KLF5: variants seen among roughly 807,000 people sequenced by gnomAD.
The protein encoded by KLF5 is KLF transcription factor 5.
Under a neutral mutation model 36.9 loss-of-function variants are expected in KLF5, and 9 were observed. That is an observed-to-expected ratio of 0.24 (90% CI 0.15 to 0.43). The LOEUF (loss-of-function observed/expected upper bound fraction) is 0.43, where lower values mean the gene tolerates loss of function less well. Ranked by LOEUF, KLF5 falls within the 20% of genes least tolerant of loss-of-function variation. KLF5 has a pLI of 1.00. For missense variants in KLF5, 524 were observed against 599.5 expected (o/e 0.87, Z 1.31); for synonymous variants, 246 against 241.7 (o/e 1.02, Z -0.17).
chr13:73,059,624 C>T (rs770834317), intron 1 of KLF5, 36 bp downstream of exon 1: 2 of 1,140,018 alleles, frequency 1.8e-6, no homozygotes, highest in African/African-American at 1.6e-5. Flanking sequence ...CGCAGCACTC[C>T]CGGGCTCGGG....
intron 3 of KLF5, 91 bp from the exon 4 acceptor site, chr13:73,075,617 T>C (rs1169618564): frequency 1.2e-5 from 12 of 997,152 alleles, no homozygotes; most frequent in Middle Eastern, 2.7e-4. Flanking sequence ...TTGGCCAAGA[T>C]TTTTTTTTTC....
At chr13:73,058,994 CAA>C (rs2044605130), upstream of KLF5, 1 of 209,538 alleles carries the variant, frequency 4.8e-6, no homozygotes, top group Non-Finnish European at 9.5e-6. Flanking sequence ...AGGCGGGCGT[CAA>C]GTGTCAGTAG....
In KLF5 at chr13:73,061,918, C is replaced by A. The variant is rs778046528; in HGVS notation, c.319C>A (p.Pro107Thr). 4 of 1,613,830 alleles carry A rather than the reference C, an allele frequency of 2.5e-6. No individual in the cohort carries two copies. In the Admixed American group the frequency reaches 6.7e-5, roughly 27 times the overall value. The change falls in exon 2 of 4, where the codon CCA (proline) becomes ACA (threonine). Residue 107 changes from proline to threonine, a missense_variant. Transcript: ENST00000377687. ...TCAGCTTCCTCCAGTTCCTATAATT[C>A]CAGAGCATAAAAAGTATAGACGAGA... is the stretch of plus-strand genomic sequence containing the variant. Reference protein sequence around the residue: ...TPQLPPVPIIPEHKKYRRDSA... With the variant: ...TPQLPPVPIITEHKKYRRDSA...
At chr13:73,056,686 C>A (rs1048399803), upstream of KLF5, among the ~76,000 whole-genome samples, 3 of 152,186 alleles carry the variant, frequency 2.0e-5, no homozygotes, top group African/African-American at 7.2e-5. Context: ...TTGTACAGTG[C>A]TAAGCTAGTT....
rs1348794667 is a variant in KLF5, at chr13:73,059,445, G to A, written c.118G>A (p.Ala40Thr). 1.6e-6 allele frequency: 2 copies of A among 1,285,432 alleles called. No individual in the cohort carries two copies. The highest frequency in any genetic ancestry group is 3.9e-5 in the Admixed American group (1 of 25,662). The allele number at this position is 1,285,432 out of a possible 1,614,324, so 79.6% of individuals were successfully genotyped here. A position where few individuals can be genotyped will look rare whatever the true frequency, so the allele number is the denominator to read the frequency against. Residue 40 changes from alanine to threonine, a missense_variant, in exon 1 of 4, where the codon GCC becomes ACC. Coordinates refer to ENST00000377687, the MANE Select transcript of KLF5 (RefSeq NM_001730.5). ...LKPVLGAANP[A>T]RDAALFPGEE... ...GCCGGTGCTGGGCGCCGCGAATCCG[G>A]CCCGCGACGCGGCGCTCTTCCCCGG...
At chr13:73,068,375 T>C (rs1032949676) in intron 3 of KLF5, among the ~76,000 whole-genome samples, 4 of 152,186 alleles carry the variant, frequency 2.6e-5, no homozygotes, top group African/African-American at 4.8e-5. Context: ...ATATATTGAC[T>C]TTCAGTTTGG....
chr13:73,068,244 G>A (rs2044695650), intron 3 of KLF5, among the ~76,000 whole-genome samples: 1 of 152,160 alleles, frequency 6.6e-6, no homozygotes, highest in South Asian at 2.1e-4. Context: ...GTTTGTAAAG[G>A]GGTTACATTC....
At position 73,075,999 on chromosome 13, in the gene KLF5, A is replaced by C; in HGVS notation, c.*113A>C. ...CAAAAGCAAGAAAACCACAACTAAA[A>C]CTGGAAATGTATATTTTGTATATTT... On this transcript the variant is annotated 3_prime_UTR_variant, in exon 4 of 4. Transcript: ENST00000377687. 9.6e-6 allele frequency: 8 copies of C among 835,588 alleles called. No homozygotes were observed. The highest frequency in any genetic ancestry group is 1.4e-5 in the Non-Finnish European group (8 of 575,386). 51.8% of individuals were successfully genotyped at this position (835,588 alleles called of 1,614,324 possible).
chr13:73,073,597 C>T (rs2044737521), intron 3 of KLF5, among the ~76,000 whole-genome samples: 1 of 152,126 alleles, frequency 6.6e-6, no homozygotes, highest in Non-Finnish European at 1.5e-5. Context: ...ATTCAAAAGA[C>T]TAGAATGATT....
chr13:73,066,841 G>A (rs1020383688), intron 3 of KLF5, among the ~76,000 whole-genome samples: 4 of 152,212 alleles, frequency 2.6e-5, no homozygotes, highest in Admixed American at 6.5e-5. Context: ...TCAGGAAATC[G>A]CATATAAATA....
At chr13:73,069,303 A>G (rs1209956324) in intron 3 of KLF5, among the ~76,000 whole-genome samples, 1 of 152,150 alleles carries the variant, frequency 6.6e-6, no homozygotes, top group African/African-American at 2.4e-5. Context: ...AGATCTTACA[A>G]TGTGAATCGA....
chr13:73,074,431 T>C (rs535948730), intron 3 of KLF5, among the ~76,000 whole-genome samples: 1 of 152,162 alleles, frequency 6.6e-6, no homozygotes, highest in African/African-American at 2.4e-5. Context: ...AAAGTATCTA[T>C]ATAAAACTCA....
At chr13:73,062,805 G>A (rs901915970) in intron 2 of KLF5, 71 bp downstream of exon 2, 11 of 1,354,354 alleles carry the variant, frequency 8.1e-6, no homozygotes, top group East Asian at 2.3e-5. Flanking sequence ...GTGCGCGCGC[G>A]TGTGCGTGTG....
At chr13:73,069,831 CTCT>C (rs1217435988) in intron 3 of KLF5, among the ~76,000 whole-genome samples, 1 of 152,172 alleles carries the variant, frequency 6.6e-6, no homozygotes, top group African/African-American at 2.4e-5. Context: ...GATGAATAAT[CTCT>C]TCTTGCCCTT....
intron 3 of KLF5, among the ~76,000 whole-genome samples, chr13:73,068,515 C>T (rs1253923311): frequency 6.6e-6 from 1 of 151,814 alleles, no homozygotes; most frequent in East Asian, 2.0e-4. Context: ...ACCAGCCTGG[C>T]CAACAAGGCA....
intron 3 of KLF5, among the ~76,000 whole-genome samples, chr13:73,070,007 G>A (rs1443379537): frequency 3.3e-5 from 5 of 152,154 alleles, no homozygotes; most frequent in African/African-American, 9.7e-5. Context: ...GGCCTACATC[G>A]TTTCTAGTGA....
chr13:73,063,411 A>G (rs1298813992), intron 2 of KLF5, among the ~76,000 whole-genome samples: 2 of 152,254 alleles, frequency 1.3e-5, no homozygotes, highest in Non-Finnish European at 2.9e-5. Flanking sequence ...ATGATATGGC[A>G]TGACGTGCTA....
In KLF5 at chr13:73,063,931, T is replaced by C. The variant is rs906451519; in HGVS notation, c.1195+48T>C. ...CTGTGAGTTGTGTAAATAGTGTAAG[T>C]GGTATTCATCCTTTTAAAAGCTAAC... On this transcript the variant is annotated intron_variant, in intron 3 of 3. Transcript: ENST00000377687. 11 of 1,191,968 alleles carry C rather than the reference T, an allele frequency of 9.2e-6. No homozygotes were observed. The African/African-American group carries it at 1.7e-4, about 18-fold the overall frequency. The allele number at this position is 1,191,968 out of a possible 1,614,324, so 73.8% of individuals were successfully genotyped here. A position where few individuals can be genotyped will look rare whatever the true frequency, so the allele number is the denominator to read the frequency against.
intron 3 of KLF5, among the ~76,000 whole-genome samples, chr13:73,073,882 A>G (rs1407260266): frequency 6.6e-6 from 1 of 152,216 alleles, no homozygotes; most frequent in Non-Finnish European, 1.5e-5. Flanking sequence ...AACGTGATTT[A>G]TACTTTGTTT....
Sources: gnomAD v4.1 joint callset for allele counts (sites outside exome capture counted in the v4.1 genomes callset) on GRCh38, gnomAD v4.1.1 for gene constraint, MANE v1.5 for transcripts, NCBI Gene and HGNC (gene_info 2026-07-23, HGNC 2026-07-21) for gene names.